GIGYF2: variants seen among roughly 807,000 people sequenced by gnomAD.
The protein encoded by GIGYF2 is GRB10 interacting GYF protein 2.
A neutral mutation model predicts 208.1 loss-of-function variants in GIGYF2; 25 were observed. The ratio of observed to expected loss-of-function variants is 0.12; its 90% CI spans 0.09 to 0.17. GIGYF2 has a LOEUF of 0.17. Among genes scored for constraint, GIGYF2 ranks in the 10% least tolerant of loss-of-function variants. The pLI is 1.00. For synonymous variants in GIGYF2, 534 were observed against 543.8 expected, an observed-to-expected ratio of 0.98 and a Z score of 0.25; for missense variants, 1,302 against 1,579.4, an observed-to-expected ratio of 0.82 and a Z score of 2.98.
intron 15 of GIGYF2, among the ~76,000 whole-genome samples, chr2:232,808,094 A>G (rs954898379): frequency 1.8e-4 from 28 of 152,162 alleles, no homozygotes; most frequent in Admixed American, 1.7e-3. Flanking sequence ...ATTTGATTTC[A>G]CAATCCACTA....
intron 8 of GIGYF2, chr2:232,771,460 C>T (rs1198740775): frequency 2.3e-6 from 2 of 885,890 alleles, no homozygotes; most frequent in East Asian, 2.6e-5. Flanking sequence ...GGACTTTCTG[C>T]TTTCTTGGGA....
rs758019417 is a variant in GIGYF2, at chr2:232,844,171, C to A, written c.3015C>A (p.Ile1005=). The change falls in exon 24 of 29, where the codon ATC becomes ATA. Residue 1005 remains isoleucine, a synonymous_variant. Transcript: ENST00000373563. ...PSGTTKSLLE[I]QQEEARQMQK... is the part of the protein sequence containing the mutation. ...GTACCACGAAATCTCTTCTGGAGAT[C>A]CAGCAGGAAGAGGCCAGGCAAATGC... The A allele has an allele frequency of 1.2e-5, 18 of 1,564,548 alleles. No homozygotes were observed. The highest frequency in any genetic ancestry group is 2.4e-5 in the East Asian group (1 of 42,052).
rs528647202 is a variant in GIGYF2 at position 232,759,866 on chromosome 2, C to G, written c.380-614C>G. 2.3e-3 allele frequency among the ~76,000 whole-genome samples: 344 copies of G among 152,242 alleles called. 2 individuals are homozygous for G. Among genetic ancestry groups the G allele is most frequent in the Non-Finnish European group, 3.9e-3 (268 of 68,000 alleles). ...CTCTCAATCCCTATGCCCAGACACT[C>G]TACCAGCTTTGTTGGTTCAAGTTTA... On this transcript the variant is annotated intron_variant, in intron 6 of 28. Transcript: ENST00000373563.
chr2:232,718,192 G>T (rs1696779060), intron 2 of GIGYF2, among the ~76,000 whole-genome samples: 1 of 152,052 alleles, frequency 6.6e-6, no homozygotes. Context: ...CCACCTCCCA[G>T]GTTCAAGCTG....
chr2:232,705,244 C>G (rs1009273771), intron 2 of GIGYF2, among the ~76,000 whole-genome samples: 1 of 152,086 alleles, frequency 6.6e-6, no homozygotes, highest in African/African-American at 2.4e-5. Context: ...TTCATAGACT[C>G]TATTCACATT....
In GIGYF2 at chr2:232,819,925, G is replaced by A. The variant is rs140175378; in HGVS notation, c.2469G>A (p.Leu823=). ...RQQQEEALRR[L]EERRREEEER... The stretch of plus-strand genomic sequence containing the variant: ...AGCAAGAAGAAGCTCTTAGAAGACT[G>A]GAAGAGAGGAGAAGAGAAGAGGAAG... Residue 823 remains leucine, a synonymous_variant, in exon 21 of 29, where the codon CTG becomes CTA. Transcript: ENST00000373563. 70 of 1,579,020 alleles carry A rather than the reference G, an allele frequency of 4.4e-5. No homozygotes were observed. Among genetic ancestry groups the A allele is most frequent in the Middle Eastern group, 3.3e-4 (2 of 6,012 alleles).
At chr2:232,730,770 C>T (rs1441864319) in intron 2 of GIGYF2, among the ~76,000 whole-genome samples, 4 of 144,366 alleles carry the variant, frequency 2.8e-5, no homozygotes, top group African/African-American at 7.6e-5. Context: ...TAGTGGCGGG[C>T]GCCTGTAGTC....
At chr2:232,853,007 C>T (rs1332163300) in intron 28 of GIGYF2, among the ~76,000 whole-genome samples, 4 of 152,150 alleles carry the variant, frequency 2.6e-5, no homozygotes, top group Non-Finnish European at 4.4e-5. Flanking sequence ...GAAAAACAAA[C>T]GTTGAACAAA....
intron 18 of GIGYF2, among the ~76,000 whole-genome samples, chr2:232,814,243 A>G (rs1422883750): frequency 6.6e-6 from 1 of 152,000 alleles, no homozygotes; most frequent in Non-Finnish European, 1.5e-5. Flanking sequence ...TCATGCCTCA[A>G]ATTATTTAAA....
intron 21 of GIGYF2, among the ~76,000 whole-genome samples, chr2:232,820,728 G>A (rs528096399): frequency 2.4e-4 from 36 of 152,222 alleles, no homozygotes; most frequent in Non-Finnish European, 4.0e-4. Context: ...TTATTAAAGA[G>A]ACTGTTCTTC....
intron 21 of GIGYF2, among the ~76,000 whole-genome samples, chr2:232,828,907 C>T (rs1701334637): frequency 6.6e-6 from 1 of 152,064 alleles, no homozygotes. Flanking sequence ...AGCTTGGCCT[C>T]CTACATTTGA....
chr2:232,707,664 G>C, intron 2 of GIGYF2, among the ~76,000 whole-genome samples: 1 of 144,982 alleles, frequency 6.9e-6, no homozygotes, highest in South Asian at 2.2e-4. Flanking sequence ...TTGAGACAGA[G>C]TTTCGCTCTT....
At chr2:232,842,131 C>T (rs888281824) in intron 23 of GIGYF2, among the ~76,000 whole-genome samples, 4 of 152,068 alleles carry the variant, frequency 2.6e-5, no homozygotes, top group Non-Finnish European at 4.4e-5. Context: ...TGGGCCACCA[C>T]GCCCTACCCT....
At chr2:232,823,365 T>C (rs1315864339) in intron 21 of GIGYF2, among the ~76,000 whole-genome samples, 1 of 133,868 alleles carries the variant, frequency 7.5e-6, no homozygotes, top group Non-Finnish European at 1.6e-5. Flanking sequence ...CTTTCTTTCT[T>C]TCTTTTTTTT....
At chr2:232,748,932 T>A (rs1161048507) in intron 4 of GIGYF2, 55 bp from the exon 5 acceptor site, 23 of 830,862 alleles carry the variant, frequency 2.8e-5, no homozygotes, top group Non-Finnish European at 4.5e-5. Flanking sequence ...CTTCTTGTAT[T>A]TCTTCTTATT....
At chr2:232,820,591 G>C (rs762821478) in intron 21 of GIGYF2, among the ~76,000 whole-genome samples, 3 of 151,712 alleles carry the variant, frequency 2.0e-5, no homozygotes, top group African/African-American at 7.3e-5. Context: ...TGGGATTACA[G>C]GCATGAGCTG....
chr2:232,697,989 A>G (rs1209878830), intron 1 of GIGYF2, among the ~76,000 whole-genome samples: 1 of 152,186 alleles, frequency 6.6e-6, no homozygotes, highest in Non-Finnish European at 1.5e-5. Context: ...TGCAGCCACC[A>G]TGATCGGAAC....
intron 22 of GIGYF2, among the ~76,000 whole-genome samples, chr2:232,836,560 T>C (rs1381408666): frequency 3.3e-5 from 4 of 120,388 alleles, no homozygotes; most frequent in African/African-American, 1.1e-4. Flanking sequence ...AGTGAGACCC[T>C]GTCTCAAAAA....
chr2:232,700,354 T>C (rs777953121), intron 1 of GIGYF2, among the ~76,000 whole-genome samples: 1 of 152,240 alleles, frequency 6.6e-6, no homozygotes, highest in Non-Finnish European at 1.5e-5. Context: ...ATACTCCATA[T>C]TGTCTCTTCT....
Sources: gnomAD v4.1 joint callset for allele counts (sites outside exome capture counted in the v4.1 genomes callset) on GRCh38, gnomAD v4.1.1 for gene constraint, MANE v1.5 for transcripts, NCBI Gene and HGNC (gene_info 2026-07-23, HGNC 2026-07-21) for gene names.